Variants in ATP8A2 observed in about 807,000 individuals in gnomAD.
The protein encoded by ATP8A2 is ATPase phospholipid transporting 8A2.
ATP8A2 carries 100 observed loss-of-function variants against 165.6 expected under a neutral mutation model. That is an observed-to-expected ratio of 0.60 (90% CI 0.51 to 0.71). The LOEUF is 0.71. ATP8A2 is among the 30% of genes least tolerant of loss of function. The probability of loss-of-function intolerance (pLI) is 0.00; values close to 1 mark genes in which losing one functional copy is unlikely to be tolerated. For missense variants in ATP8A2, 1,227 were observed against 1,479.5 expected, an observed-to-expected ratio of 0.83 and a Z score of 2.80; for synonymous variants, 543 against 548.8, an observed-to-expected ratio of 0.99 and a Z score of 0.15.
intron 25 of ATP8A2, among the ~76,000 whole-genome samples, chr13:25,723,376 T>C (rs187648482): frequency 6.6e-6 from 1 of 152,228 alleles, no homozygotes; most frequent in African/African-American, 2.4e-5. Context: ...CTCCTTTCTC[T>C]AACTTTATAC....
chr13:25,408,038 C>T (rs937666351), intron 1 of ATP8A2, among the ~76,000 whole-genome samples: 2 of 151,908 alleles, frequency 1.3e-5, no homozygotes, highest in Non-Finnish European at 2.9e-5. Flanking sequence ...ATGTAACAAA[C>T]CTGCACATTC....
intron 1 of ATP8A2, among the ~76,000 whole-genome samples, chr13:25,423,088 C>A (rs573408468): frequency 1.3e-5 from 2 of 152,156 alleles, no homozygotes; most frequent in Non-Finnish European, 2.9e-5. Flanking sequence ...CCACCCCCAC[C>A]GTGGCATCAT....
At chr13:25,644,859 T>C (rs1463335926) in intron 24 of ATP8A2, among the ~76,000 whole-genome samples, 1 of 152,200 alleles carries the variant, frequency 6.6e-6, no homozygotes, top group East Asian at 1.9e-4. Context: ...CATAATGTTC[T>C]CTTATGGTCC....
intron 2 of ATP8A2, among the ~76,000 whole-genome samples, chr13:25,473,799 AG>A (rs1409479887): frequency 5.9e-5 from 9 of 152,354 alleles, no homozygotes; most frequent in African/African-American, 9.6e-5. Context: ...TGCTTACAAA[AG>A]CTCACTATTT....
chr13:25,471,687 C>A (rs1327667959), intron 2 of ATP8A2, among the ~76,000 whole-genome samples: 1 of 152,130 alleles, frequency 6.6e-6, no homozygotes, highest in Non-Finnish European at 1.5e-5. Flanking sequence ...AGCTTCACTA[C>A]CTGTTCTGTA....
At chr13:25,753,290 CT>C (rs1376348850) in intron 25 of ATP8A2, among the ~76,000 whole-genome samples, 1 of 152,190 alleles carries the variant, frequency 6.6e-6, no homozygotes, top group Non-Finnish European at 1.5e-5. Flanking sequence ...TGCCCTTTGG[CT>C]CGACCCACAA....
intron 33 of ATP8A2, among the ~76,000 whole-genome samples, chr13:25,874,385 A>G (rs1469977249): frequency 6.6e-6 from 1 of 152,168 alleles, no homozygotes; most frequent in Non-Finnish European, 1.5e-5. Context: ...TTCCCAAGGG[A>G]AGCCTTTCCT....
intron 33 of ATP8A2, among the ~76,000 whole-genome samples, chr13:25,925,490 G>A (rs888048395): frequency 1.5e-4 from 7 of 45,924 alleles, no homozygotes; most frequent in East Asian, 3.5e-3. Context: ...AGTTGAGATC[G>A]CGCCACTTAC....
At position 25,665,927 on chromosome 13, in the gene ATP8A2, TAAATATATATTTATA is replaced by T. The variant is rs1214275918; in HGVS notation, c.2212-33235_2212-33221del. On this transcript the variant is annotated intron_variant, in intron 24 of 36. Coordinates refer to ENST00000381655, the MANE Select transcript of ATP8A2 (RefSeq NM_016529.6). ...TAATATATTTTATAAAATGAATATA[TAAATATATATTTATA>T]AAATATATATAAGGCTTAAAATTTT... is the stretch of plus-strand genomic sequence containing the variant. 4.7e-5 allele frequency among the ~76,000 whole-genome samples: 7 copies of T among 148,748 alleles called. No homozygotes were observed. The South Asian group carries it at 6.3e-4, about 13-fold the overall frequency.
At chr13:25,512,169 A>G (rs2037249437) in intron 2 of ATP8A2, among the ~76,000 whole-genome samples, 1 of 151,184 alleles carries the variant, frequency 6.6e-6, no homozygotes, top group African/African-American at 2.4e-5. Context: ...CTGAGTGGAC[A>G]CAGCACATGT....
chr13:25,774,249 A>G (rs112278806), intron 26 of ATP8A2, among the ~76,000 whole-genome samples: 4,185 of 152,306 alleles, frequency 0.027, 178 homozygotes, highest in African/African-American at 0.095. Context: ...ATGAGATCAT[A>G]TCCTTTGCAG....
At chr13:25,505,080 A>G (rs1237622697) in intron 2 of ATP8A2, among the ~76,000 whole-genome samples, 1 of 151,778 alleles carries the variant, frequency 6.6e-6, no homozygotes, top group Non-Finnish European at 1.5e-5. Context: ...AAAATAGTGT[A>G]TGTGTTGGTT....
chr13:25,606,493 T>C (rs910104425), intron 24 of ATP8A2, among the ~76,000 whole-genome samples: 1 of 152,230 alleles, frequency 6.6e-6, no homozygotes, highest in African/African-American at 2.4e-5. Flanking sequence ...AGGGAAGTTC[T>C]TGACTTATTA....
At chr13:25,418,836 A>G (rs1033188284) in intron 1 of ATP8A2, among the ~76,000 whole-genome samples, 7 of 152,294 alleles carry the variant, frequency 4.6e-5, no homozygotes, top group African/African-American at 1.7e-4. Flanking sequence ...CCTTGCCTTG[A>G]TTATATGTAC....
chr13:25,702,032 G>GA (rs1229193215), intron 25 of ATP8A2, among the ~76,000 whole-genome samples: 2 of 151,940 alleles, frequency 1.3e-5, no homozygotes, highest in African/African-American at 4.8e-5. Flanking sequence ...TTAAAAAAAA[G>GA]AAAAAAGCAC....
At chr13:25,435,999 G>A (rs1489984702) in intron 1 of ATP8A2, among the ~76,000 whole-genome samples, 1 of 151,746 alleles carries the variant, frequency 6.6e-6, no homozygotes, top group Admixed American at 6.6e-5. Flanking sequence ...GTGTATGTGT[G>A]TGTGTCTTTC....
rs146652430 is a variant in ATP8A2, at chr13:25,974,013, G to A, written c.3377+5334G>A. Among the ~76,000 whole-genome samples the A allele has an allele frequency of 6.4e-3, 978 of 152,306 alleles. 5 individuals are homozygous for A. Among genetic ancestry groups the A allele is most frequent in the Middle Eastern group, 0.027 (8 of 294 alleles). On this transcript the variant is annotated intron_variant, in intron 35 of 36. Transcript: ENST00000381655. Reference sequence around the variant, plus strand: ...TCTCCAGGCCAGGTGGCAAATGTCTGCTTCCAGCACCTGGTTGAGATTTAT... The same window carrying A: ...TCTCCAGGCCAGGTGGCAAATGTCTACTTCCAGCACCTGGTTGAGATTTAT...
chr13:25,702,475 T>C (rs1466300895), intron 25 of ATP8A2, among the ~76,000 whole-genome samples: 1 of 152,198 alleles, frequency 6.6e-6, no homozygotes, highest in East Asian at 1.9e-4. Context: ...ATAATTTACT[T>C]TGTATCTGGC....
At chr13:25,660,420 G>A (rs1219021863) in intron 24 of ATP8A2, among the ~76,000 whole-genome samples, 1 of 152,172 alleles carries the variant, frequency 6.6e-6, no homozygotes, top group African/African-American at 2.4e-5. Context: ...TGATGTAAAT[G>A]AATAGACACC....
Sources: allele counts gnomAD v4.1 joint callset (sites outside exome capture counted in the v4.1 genomes callset), GRCh38; gene constraint gnomAD v4.1.1; transcripts MANE v1.5; gene names NCBI Gene and HGNC (gene_info 2026-07-23, HGNC 2026-07-21).